Variants in SRCIN1 observed in about 807,000 individuals in gnomAD.
The protein encoded by SRCIN1 is SRC kinase signaling inhibitor 1, also known as P130Cas-associated protein.
SRCIN1 carries 50 observed loss-of-function variants against 116.2 expected under a neutral mutation model. The ratio of observed to expected loss-of-function variants is 0.43; its 90% CI spans 0.34 to 0.54. The LOEUF (loss-of-function observed/expected upper bound fraction) is 0.54. Ranked by LOEUF, SRCIN1 falls within the 20% of genes least tolerant of loss-of-function variation. SRCIN1 has a pLI of 0.02. For synonymous variants in SRCIN1, 736 were observed against 750.0 expected (o/e 0.98, Z 0.30); for missense variants, 1,446 against 1,672.0 (o/e 0.86, Z 2.36).
At chr17:38,564,406 T>A in intron 3 of SRCIN1, 93 bp from the exon 4 acceptor site, 1 of 1,337,102 alleles carries the variant, frequency 7.5e-7, no homozygotes, top group Non-Finnish European at 1.0e-6. Context: ...GGGAAGGTCC[T>A]GCCAGCCAGC....
intron 1 of SRCIN1, among the ~76,000 whole-genome samples, chr17:38,581,428 AAAAAG>A (rs1031992690): frequency 7.7e-5 from 11 of 143,204 alleles, no homozygotes; most frequent in African/African-American, 3.2e-4. Context: ...AGAAAAAAGA[AAAAAG>A]AAAAAAAAAA....
In SRCIN1 at chr17:38,558,849, CT is replaced by C. The variant is rs1905992183; in HGVS notation, c.2026-448del. ...CCCTGCCGACAGTGCGGCCGCATGG[CT>C]ATGGCTTCCATCATCCCGGAATGGG... On this transcript the variant is annotated intron_variant, in intron 10 of 18. Transcript: ENST00000617146. This position sits in a 1 kb window ranked among gnomAD's most constrained non-coding sequence, Gnocchi z 4.6. Among the ~76,000 whole-genome samples the C allele has an allele frequency of 6.6e-6, 1 of 152,206 alleles. No individual in the cohort carries two copies. Among genetic ancestry groups the C allele is most frequent in the African/African-American group, 2.4e-5 (1 of 41,454 alleles).
rs1909260708 is a variant in SRCIN1 at position 38,604,698 on chromosome 17, TG to T, written c.22+985del. On this transcript the variant is annotated intron_variant, in intron 1 of 18. Transcript: ENST00000617146. The surrounding 1 kb of genome is among the most constrained non-coding windows in gnomAD (Gnocchi z 4.3). ...GCGGAGGCACCCGGCCTGTCCCCTC[TG>T]CTTCCACCAGCATCCTGCTGCCCCC... is the stretch of plus-strand genomic sequence containing the variant. The T allele has an allele frequency of 6.1e-6, 2 of 329,562 alleles. No homozygotes were observed. Among genetic ancestry groups the T allele is most frequent in the Non-Finnish European group, 1.2e-5 (2 of 167,226 alleles). 20.4% of individuals were successfully genotyped at this position (329,562 alleles called of 1,614,324 possible). A position where few individuals can be genotyped will look rare whatever the true frequency, so the allele number is the denominator to read the frequency against.
chr17:38,581,444 G>C (rs1293952996), intron 1 of SRCIN1, among the ~76,000 whole-genome samples: 2 of 145,068 alleles, frequency 1.4e-5, no homozygotes, highest in Non-Finnish European at 3.0e-5. Flanking sequence ...AAAAAAAAAA[G>C]TGTGAGCCAC....
At chr17:38,576,511 G>A (rs1480854565) in intron 2 of SRCIN1, among the ~76,000 whole-genome samples, 3 of 151,840 alleles carry the variant, frequency 2.0e-5, no homozygotes, top group African/African-American at 7.3e-5. Context: ...TGCCCTGATG[G>A]CCACTCCGCA....
Position 38,562,340 on chromosome 17 carries a change from A to G in SRCIN1, c.835-12T>C, listed in dbSNP as rs1906328997. ...TACACCATCTCTCTCTGCGCAGAAG[A>G]CAGCCCGGAACCCCACGGGGCTGGT... On this transcript the variant is annotated splice_polypyrimidine_tract_variant and intron_variant, in intron 6 of 18. Coordinates refer to ENST00000617146, the MANE Select transcript of SRCIN1 (RefSeq NM_025248.3). This position sits in a 1 kb window ranked among gnomAD's most constrained non-coding sequence, Gnocchi z 4.2. The G allele has an allele frequency of 3.5e-6, 5 of 1,437,504 alleles. No homozygotes were observed. The highest frequency in any genetic ancestry group is 4.5e-6 in the Non-Finnish European group (5 of 1,105,852). 89.0% of individuals were successfully genotyped at this position (1,437,504 alleles called of 1,614,324 possible).
Position 38,560,421 on chromosome 17 carries a change from G to A in SRCIN1, c.1705C>T (p.Arg569Cys), listed in dbSNP as rs762384109. The A allele has an allele frequency of 1.2e-6, 2 of 1,609,846 alleles. No individual in the cohort carries two copies. Among genetic ancestry groups the A allele is most frequent in the Admixed American group, 3.4e-5 (2 of 59,564 alleles). The change falls in exon 8 of 19, where the codon CGC becomes TGC. Residue 569 changes from arginine to cysteine, a missense_variant. Physicochemically the swap from Arg to Cys is radical, Grantham distance 180. Transcript: ENST00000617146. ...ATCTGCTTCTCCATGGCCTCCATGC[G>A]CTCCCTGGGGAGGAAGGGGGTCTGG... ...VPAKDTETRERMEAMEKQIAS... is the reference protein window; with the variant it reads ...VPAKDTETRECMEAMEKQIAS...
At chr17:38,567,033 T>C (rs78174107) in intron 3 of SRCIN1, among the ~76,000 whole-genome samples, 1 of 152,116 alleles carries the variant, frequency 6.6e-6, no homozygotes, top group Admixed American at 6.5e-5. Context: ...CATAGCTCAC[T>C]GCAGCCTCAA....
chr17:38,564,295 T>C lies in SRCIN1; in HGVS notation c.364A>G (p.Thr122Ala). 6.4e-7 allele frequency: 1 copy of C among 1,562,134 alleles called. No homozygotes were observed. Among genetic ancestry groups the C allele is most frequent in the South Asian group, 1.2e-5 (1 of 85,344 alleles). The change falls in exon 4 of 19, where the codon ACT (threonine) becomes GCT (alanine). Residue 122 changes from threonine to alanine, a missense_variant. Thr to Ala is a moderately conservative substitution (Grantham distance 58). Coordinates refer to ENST00000617146, the MANE Select transcript of SRCIN1 (RefSeq NM_025248.3). ...WSFKTRSSRH[T>A]QGAQPGLADQ... is the part of the protein sequence containing the mutation. ...GCCAGCCCGGGCTGGGCTCCCTGAGTGTGGCGTGAGCTGCGGGTCTGCAGG... is the reference window on the plus strand; with the variant it reads ...GCCAGCCCGGGCTGGGCTCCCTGAGCGTGGCGTGAGCTGCGGGTCTGCAGG...
intron 1 of SRCIN1, among the ~76,000 whole-genome samples, chr17:38,601,936 C>T (rs1256906040): frequency 1.3e-5 from 2 of 151,676 alleles, no homozygotes; most frequent in Non-Finnish European, 2.9e-5. Context: ...AGAGAGACAG[C>T]AGGAAGGGCA....
At chr17:38,592,936 A>AC (rs1260369530) in intron 1 of SRCIN1, among the ~76,000 whole-genome samples, 1 of 151,622 alleles carries the variant, frequency 6.6e-6, no homozygotes, top group Non-Finnish European at 1.5e-5. Flanking sequence ...GCTGCAAGGC[A>AC]CCCCTCTCCT....
Position 38,602,946 on chromosome 17 carries a change from G to C in SRCIN1, c.22+2738C>G, listed in dbSNP as rs1422805969. Among the ~76,000 whole-genome samples, 2 of 152,130 alleles carry C rather than the reference G, an allele frequency of 1.3e-5. No individual in the cohort carries two copies. Among genetic ancestry groups the C allele is most frequent in the Non-Finnish European group, 1.5e-5 (1 of 68,028 alleles). On this transcript the variant is annotated intron_variant, in intron 1 of 18. Transcript: ENST00000617146. This position sits in a 1 kb window ranked among gnomAD's most constrained non-coding sequence, Gnocchi z 4.2. ...TCCCCAAAACCTAACCTGGGGTGGG[G>C]GTGGGGGCTCAACAAACTGGGTACT... is the stretch of plus-strand genomic sequence containing the variant.
chr17:38,578,862 G>A, intron 1 of SRCIN1, 71 bp from the exon 2 acceptor site: 1 of 1,422,112 alleles, frequency 7.0e-7, no homozygotes, highest in Non-Finnish European at 9.2e-7. Context: ...CCCCAAGGGG[G>A]TCCCTGCGGG....
In SRCIN1 at chr17:38,562,769, G is replaced by C; in HGVS notation, c.834+58C>G. ...TCCAGATGACAACTGCCCAGACCCTGCTCCCCTGGACCCCATGTGCCCAGC... is the reference window on the plus strand; with the variant it reads ...TCCAGATGACAACTGCCCAGACCCTCCTCCCCTGGACCCCATGTGCCCAGC... On this transcript the variant is annotated intron_variant, in intron 6 of 18. Coordinates refer to ENST00000617146, the MANE Select transcript of SRCIN1 (RefSeq NM_025248.3). The surrounding 1 kb of genome is among the most constrained non-coding windows in gnomAD (Gnocchi z 4.2). 2.7e-6 allele frequency: 4 copies of C among 1,480,892 alleles called. No individual in the cohort carries two copies. Among genetic ancestry groups the C allele is most frequent in the Non-Finnish European group, 3.7e-6 (4 of 1,071,398 alleles). The allele number at this position is 1,480,892 out of a possible 1,614,324, so 91.7% of individuals were successfully genotyped here. A position where few individuals can be genotyped will look rare whatever the true frequency, so the allele number is the denominator to read the frequency against.
At chr17:38,591,317 A>G (rs1223117109) in intron 1 of SRCIN1, among the ~76,000 whole-genome samples, 1 of 152,176 alleles carries the variant, frequency 6.6e-6, no homozygotes, top group African/African-American at 2.4e-5. Flanking sequence ...GGGGAAGGTC[A>G]TGACCTCTCC....
At chr17:38,597,168 CAGCTGTTGGGACACGGACTGGGAGAAAA>C (rs373883461) in intron 1 of SRCIN1, among the ~76,000 whole-genome samples, 1 of 152,328 alleles carries the variant, frequency 6.6e-6, no homozygotes, top group African/African-American at 2.4e-5. Context: ...CAGGGAGAAA[CAGCTGTTGGGACACGGACTGGGAGAAAA>C]TATTAAGAAT....
Position 38,533,342 on chromosome 17 carries a change from A to C in SRCIN1, c.3507T>G (p.Pro1169=). Reference sequence around the variant, plus strand: ...TCCTTGCCCCAAAGGAAGTCAATACAGGGATAGAGGTTCTGGAAGCCGAGG... The same window carrying C: ...TCCTTGCCCCAAAGGAAGTCAATACCGGGATAGAGGTTCTGGAAGCCGAGG... ...EKPSASRTSI[P]VLTSFGARNS... Residue 1169 remains proline (P), a synonymous_variant, in exon 19 of 19, where the codon CCT becomes CCG. Coordinates refer to ENST00000617146, the MANE Select transcript of SRCIN1 (RefSeq NM_025248.3). 1 of 1,600,982 alleles carries C rather than the reference A, an allele frequency of 6.2e-7. No individual in the cohort carries two copies. The highest frequency in any genetic ancestry group is 8.5e-7 in the Non-Finnish European group (1 of 1,173,748).
Position 38,549,050 on chromosome 17 carries a change from T to G in SRCIN1, c.3117+6A>C. The G allele has an allele frequency of 6.2e-7, 1 of 1,612,340 alleles. No individual in the cohort carries two copies. On this transcript the variant is annotated splice_donor_region_variant and intron_variant, in intron 16 of 18. Coordinates refer to ENST00000617146, the MANE Select transcript of SRCIN1 (RefSeq NM_025248.3). ...CCTGGCCCTCTGTCTGAGGTGGGAG[T>G]GGTACCTTGATGAAGGCCGAGTCCT...
chr17:38,589,188 T>G (rs1908306720), intron 1 of SRCIN1, among the ~76,000 whole-genome samples: 1 of 152,218 alleles, frequency 6.6e-6, no homozygotes, highest in African/African-American at 2.4e-5. Flanking sequence ...AGTGCTGGGC[T>G]TACAGGCGTG....
Sources: gnomAD v4.1 joint callset for allele counts (sites outside exome capture counted in the v4.1 genomes callset) on GRCh38, gnomAD v4.1.1 for gene constraint, Gnocchi (gnomAD v3.1) non-coding constraint, MANE v1.5 for transcripts, NCBI Gene and HGNC (gene_info 2026-07-23, HGNC 2026-07-21) for gene names.